The following ESRRG variants were observed in gnomAD, a reference collection of about 807,000 sequenced individuals.
ESRRG encodes the protein estrogen related receptor gamma, also known as estrogen-related receptor gamma.
ESRRG carries 13 observed loss-of-function variants against 44.0 expected under a neutral mutation model. The ratio of observed to expected loss-of-function variants is 0.30; its 90% confidence interval spans 0.19 to 0.47. The LOEUF (loss-of-function observed/expected upper bound fraction) is 0.47. ESRRG is among the 20% of genes least tolerant of loss of function. The probability of loss-of-function intolerance (pLI) is 1.00; values close to 1 mark genes in which losing one functional copy is unlikely to be tolerated. For missense variants in ESRRG, 395 were observed against 580.6 expected (o/e 0.68, Z 3.29); for synonymous variants, 215 against 214.6 (o/e 1.00, Z -0.02).
At chr1:216,512,295 A>G (rs1029169680) in intron 6 of ESRRG, among the ~76,000 whole-genome samples, 1 of 152,178 alleles carries the variant, frequency 6.6e-6, no homozygotes, top group Non-Finnish European at 1.5e-5. Context: ...ACAAAATGCA[A>G]AGGGCAGAAA....
At chr1:216,778,801 T>C (rs1343173156) in intron 2 of ESRRG, among the ~76,000 whole-genome samples, 1 of 151,884 alleles carries the variant, frequency 6.6e-6, no homozygotes. Flanking sequence ...TCTAACTTCA[T>C]TGTTCCGAAA....
rs140881988 is a variant in ESRRG at position 217,031,750 on chromosome 1, C to A, written c.-106+57757G>T. Among the ~76,000 whole-genome samples, 4 of 152,264 alleles carry A rather than the reference C, an allele frequency of 2.6e-5. No individual in the cohort carries two copies. The East Asian group carries it at 7.7e-4, about 29-fold the overall frequency. On this transcript the variant is annotated intron_variant, in intron 1 of 7. Transcript: ENST00000359162. ...CATGCCATTCTCACGATGATAAGTT[C>A]TCAGGAGATCTGATGGTTTCATTAG...
intron 2 of ESRRG, among the ~76,000 whole-genome samples, chr1:216,926,882 C>T (rs770167027): frequency 1.4e-4 from 22 of 152,170 alleles, no homozygotes; most frequent in Non-Finnish European, 2.2e-4. Context: ...ATGCTGAATG[C>T]TGAATGCAGC....
At chr1:216,868,579 T>C (rs1411308213) in intron 2 of ESRRG, among the ~76,000 whole-genome samples, 1 of 152,158 alleles carries the variant, frequency 6.6e-6, no homozygotes, top group Non-Finnish European at 1.5e-5. Context: ...CAAATGTAAA[T>C]ATCCACGAGT....
chr1:217,014,012 A>T (rs1233877860), intron 1 of ESRRG, among the ~76,000 whole-genome samples: 1 of 152,132 alleles, frequency 6.6e-6, no homozygotes, highest in African/African-American at 2.4e-5. Context: ...CTCCAAAAGG[A>T]GTGAAGGGTG....
chr1:216,857,414 C>A (rs1257025967), intron 2 of ESRRG, among the ~76,000 whole-genome samples: 1 of 151,482 alleles, frequency 6.6e-6, no homozygotes, highest in East Asian at 1.9e-4. Context: ...CTGATTTATG[C>A]ATCTCTGCTT....
At chr1:216,546,460 T>A (rs962779212) in intron 5 of ESRRG, among the ~76,000 whole-genome samples, 1 of 151,998 alleles carries the variant, frequency 6.6e-6, no homozygotes, top group African/African-American at 2.4e-5. Flanking sequence ...CTAGGCCGGC[T>A]TCATGGGCGT....
At chr1:217,029,671 T>C (rs1016873893) in intron 1 of ESRRG, among the ~76,000 whole-genome samples, 1 of 152,178 alleles carries the variant, frequency 6.6e-6, no homozygotes, top group African/African-American at 2.4e-5. Context: ...GGTATAGTCT[T>C]GAGCCAGAAT....
chr1:217,013,467 T>G (rs1485329638), intron 1 of ESRRG, among the ~76,000 whole-genome samples: 2 of 152,230 alleles, frequency 1.3e-5, no homozygotes, highest in African/African-American at 4.8e-5. Flanking sequence ...TCCATGGACA[T>G]TTGAACAAGT....
chr1:216,885,750 C>T (rs533586980), intron 2 of ESRRG, among the ~76,000 whole-genome samples: 15 of 151,928 alleles, frequency 9.9e-5, no homozygotes, highest in Admixed American at 3.9e-4. Context: ...TGTCTTCTGA[C>T]GCTATTTTTC....
At chr1:216,923,611 TC>T (rs34793290) in intron 2 of ESRRG, among the ~76,000 whole-genome samples, 11,094 of 152,196 alleles carry the variant, frequency 0.073, 465 homozygotes, top group Non-Finnish European at 0.091. Context: ...GAGCAGAGGA[TC>T]AAGATCTTAT....
intron 2 of ESRRG, among the ~76,000 whole-genome samples, chr1:216,927,589 C>A (rs563101138): frequency 6.6e-6 from 1 of 152,220 alleles, no homozygotes; most frequent in Non-Finnish European, 1.5e-5. Flanking sequence ...AATCTTAGGG[C>A]CAGCCATATC....
intron 2 of ESRRG, chr1:216,864,597 A>G (rs888469260): frequency 2.6e-5 from 4 of 152,182 alleles, no homozygotes; most frequent in African/African-American, 9.7e-5. Flanking sequence ...CACTTTACTG[A>G]AAATTTTCAT....
At chr1:217,052,216 G>A (rs2086186687) in intron 1 of ESRRG, among the ~76,000 whole-genome samples, 1 of 152,150 alleles carries the variant, frequency 6.6e-6, no homozygotes, top group Non-Finnish European at 1.5e-5. Context: ...ATTACACCTT[G>A]GATTTTTAGA....
At chr1:216,647,057 G>C (rs969240871) in intron 3 of ESRRG, among the ~76,000 whole-genome samples, 12 of 152,074 alleles carry the variant, frequency 7.9e-5, no homozygotes, top group African/African-American at 2.9e-4. Flanking sequence ...TACTGACAGT[G>C]AGCAAACTGA....
At chr1:216,746,932 T>C (rs2091467196) in intron 2 of ESRRG, among the ~76,000 whole-genome samples, 1 of 152,172 alleles carries the variant, frequency 6.6e-6, no homozygotes, top group Non-Finnish European at 1.5e-5. Flanking sequence ...TAACTTAATT[T>C]TTTTCCTTCA....
intron 3 of ESRRG, among the ~76,000 whole-genome samples, chr1:216,595,674 A>G (rs2058325166): frequency 1.3e-5 from 2 of 152,172 alleles, no homozygotes; most frequent in Admixed American, 6.5e-5. Flanking sequence ...TTCAAGCACA[A>G]CTCAGTGAAA....
chr1:216,925,126 G>T (rs1350476461), intron 2 of ESRRG, among the ~76,000 whole-genome samples: 1 of 152,188 alleles, frequency 6.6e-6, no homozygotes, highest in African/African-American at 2.4e-5. Context: ...TGGCTCAACA[G>T]GCTGCATGAC....
At chr1:216,580,238 T>C (rs1186581736) in intron 3 of ESRRG, among the ~76,000 whole-genome samples, 1 of 152,224 alleles carries the variant, frequency 6.6e-6, no homozygotes, top group Non-Finnish European at 1.5e-5. Flanking sequence ...GTTTTTCTTT[T>C]GGTAATTCTA....
Sources: gnomAD v4.1 joint callset for allele counts (sites outside exome capture counted in the v4.1 genomes callset) on GRCh38, gnomAD v4.1.1 for gene constraint, MANE v1.5 for transcripts, NCBI Gene and HGNC (gene_info 2026-07-23, HGNC 2026-07-21) for gene names.